XKR9: variants seen among roughly 807,000 people sequenced by gnomAD.
XKR9 encodes the protein XK related 9.
XKR9 carries 32 observed loss-of-function variants against 32.0 expected under a neutral mutation model. The observed-to-expected ratio is 1.00, with a 90% CI of 0.76 to 1.34. The LOEUF is 1.34. XKR9 is among the 40% of genes most tolerant of loss of function. The pLI is 0.00. For synonymous variants in XKR9, 168 were observed against 143.4 expected (o/e 1.17, Z -1.22); for missense variants, 546 against 429.7 (o/e 1.27, Z -2.39).
At chr8:70,937,029 T>C in the XKR9 span, among the ~76,000 whole-genome samples, 5 of 151,876 alleles carry the variant, frequency 3.3e-5, no homozygotes, top group Non-Finnish European at 7.4e-5. Flanking sequence ...TAAATTGATA[T>C]ATGAGAGGTT....
At chr8:70,754,215 A>T (rs1165256886) in intron 2 of XKR9, among the ~76,000 whole-genome samples, 1 of 148,196 alleles carries the variant, frequency 6.7e-6, no homozygotes, top group Non-Finnish European at 1.5e-5. Flanking sequence ...AAGGGATGTG[A>T]AGGATCTCTT....
the XKR9 span, among the ~76,000 whole-genome samples, chr8:70,939,700 C>T: frequency 6.6e-6 from 1 of 151,936 alleles, no homozygotes; most frequent in Non-Finnish European, 1.5e-5. Flanking sequence ...CATCACCTTG[C>T]CTCAAAACTT....
the XKR9 span, among the ~76,000 whole-genome samples, chr8:71,016,922 G>T: frequency 6.6e-6 from 1 of 152,014 alleles, no homozygotes; most frequent in East Asian, 1.9e-4. Flanking sequence ...TAGAATGCCA[G>T]TTTAAATAGG....
intron 2 of XKR9, among the ~76,000 whole-genome samples, chr8:70,775,658 T>C (rs1220354306): frequency 6.6e-6 from 1 of 152,190 alleles, no homozygotes; most frequent in African/African-American, 2.4e-5. Context: ...TTGGACATGA[T>C]GTATTATACC....
the XKR9 span, among the ~76,000 whole-genome samples, chr8:70,949,062 T>G: frequency 6.6e-6 from 1 of 152,226 alleles, no homozygotes; most frequent in African/African-American, 2.4e-5. Context: ...GTTGCCAGAA[T>G]GCTCTAAAAA....
the XKR9 span, among the ~76,000 whole-genome samples, chr8:70,960,827 G>A: frequency 6.6e-6 from 1 of 151,392 alleles, no homozygotes; most frequent in Non-Finnish European, 1.5e-5. Context: ...AGCCTTGATT[G>A]GCCCACCGTA....
At chr8:70,980,469 G>A in the XKR9 span, among the ~76,000 whole-genome samples, 8 of 152,306 alleles carry the variant, frequency 5.3e-5, no homozygotes, top group East Asian at 1.2e-3. Flanking sequence ...CACTTTTGGT[G>A]TCCATTTGCA....
the XKR9 span, among the ~76,000 whole-genome samples, chr8:70,836,151 T>C: frequency 6.6e-6 from 1 of 152,088 alleles, no homozygotes; most frequent in Non-Finnish European, 1.5e-5. Context: ...ATTAGTATGC[T>C]TTCCTCAACC....
the XKR9 span, among the ~76,000 whole-genome samples, chr8:70,836,818 G>A: frequency 2.0e-5 from 3 of 151,998 alleles, no homozygotes; most frequent in African/African-American, 7.2e-5. Flanking sequence ...ACTATGCTGG[G>A]CACTGGGGAT....
chr8:70,903,170 G>A, the XKR9 span, among the ~76,000 whole-genome samples: 1 of 152,126 alleles, frequency 6.6e-6, no homozygotes, highest in South Asian at 2.1e-4. Flanking sequence ...GAGTTAGGGA[G>A]CATTCTCTCT....
intron 2 of XKR9, among the ~76,000 whole-genome samples, chr8:70,757,051 A>G (rs568755759): frequency 7.9e-5 from 12 of 152,332 alleles, no homozygotes; most frequent in Admixed American, 3.9e-4. Flanking sequence ...TTATCATGAA[A>G]GGGTAATGGA....
intron 3 of XKR9, among the ~76,000 whole-genome samples, chr8:70,699,072 G>A (rs1805406623): frequency 6.6e-6 from 1 of 152,086 alleles, no homozygotes; most frequent in African/African-American, 2.4e-5. Context: ...TTGAGCCTAT[G>A]TGTGTCTCTG....
intron 2 of XKR9, among the ~76,000 whole-genome samples, chr8:70,753,088 C>T (rs1214539432): frequency 6.6e-6 from 1 of 152,160 alleles, no homozygotes; most frequent in African/African-American, 2.4e-5. Flanking sequence ...GGGACATCAC[C>T]ACCGATCCCA....
the XKR9 span, among the ~76,000 whole-genome samples, chr8:70,956,059 C>T: frequency 6.6e-6 from 1 of 152,202 alleles, no homozygotes; most frequent in Non-Finnish European, 1.5e-5. Flanking sequence ...AGGGTCGCAG[C>T]TCTTCTCTCC....
At chr8:71,064,421 T>C in the XKR9 span, among the ~76,000 whole-genome samples, 1 of 152,244 alleles carries the variant, frequency 6.6e-6, no homozygotes, top group Non-Finnish European at 1.5e-5. Flanking sequence ...ATGCCCAGAA[T>C]GATCTAGAAA....
At chr8:70,777,891 C>T (rs1807555095) in intron 2 of XKR9, among the ~76,000 whole-genome samples, 2 of 152,116 alleles carry the variant, frequency 1.3e-5, no homozygotes, top group African/African-American at 4.8e-5. Context: ...CATGGTCTTC[C>T]ATTCTGTAGG....
the XKR9 span, among the ~76,000 whole-genome samples, chr8:70,833,911 A>G: frequency 5.8e-4 from 88 of 152,308 alleles, no homozygotes; most frequent in Admixed American, 2.2e-3. Flanking sequence ...CCTTTATTGT[A>G]GGCAATTTAT....
In XKR9 at chr8:70,734,004, G is replaced by C; in HGVS notation, c.702G>C (p.Leu234=). ...LFLNVKIALF[L]LLFLWLLGII... is the part of the protein sequence containing the mutation. ...TAAATGTTAAGATTGCTTTATTTCT[G>C]TTGTTATTTCTTTGGTTGTTAGGTA... Residue 234 remains leucine (L), a synonymous_variant, in exon 5 of 5, where the codon CTG becomes CTC. Coordinates refer to ENST00000408926, the MANE Select transcript of XKR9 (RefSeq NM_001011720.2). The C allele has an allele frequency of 6.2e-7, 1 of 1,612,378 alleles. No individual in the cohort carries two copies. The highest frequency in any genetic ancestry group is 1.1e-5 in the South Asian group (1 of 90,502).
intron 2 of XKR9, among the ~76,000 whole-genome samples, chr8:70,775,424 A>C (rs1490116571): frequency 6.6e-6 from 1 of 152,178 alleles, no homozygotes; most frequent in South Asian, 2.1e-4. Flanking sequence ...ATATCATACT[A>C]TTAAGCATGA....
Sources: allele counts gnomAD v4.1 joint callset (sites outside exome capture counted in the v4.1 genomes callset), GRCh38; gene constraint gnomAD v4.1.1; transcripts MANE v1.5; gene names NCBI Gene and HGNC (gene_info 2026-07-23, HGNC 2026-07-21).